LINC00632: variants seen among roughly 807,000 people sequenced by gnomAD.
The protein encoded by LINC00632 is long independently transcribed non-coding RNA 632, also known as ALDOA related specific transcript.
rs1207034823 is a variant in LINC00632, at chrX:140,729,877, C to CTTTTTT, written n.105-3988_105-3983dup. Among the ~76,000 whole-genome samples the CTTTTTT allele has an allele frequency of 1.4e-4, 13 of 90,848 alleles. 1 individual carries two copies. Among genetic ancestry groups the CTTTTTT allele is most frequent in the African/African-American group, 1.7e-4 (4 of 23,333 alleles). 78.9% of individuals were successfully genotyped at this position (90,848 alleles called of 115,157 possible). A position where few individuals can be genotyped will look rare whatever the true frequency, so the allele number is the denominator to read the frequency against. ...ATATATGCCTCTTCTTTTCTTTTTT[C>CTTTTTT]TTTTTTTTTTTTTTTTTTGAGACGG... On this transcript the variant is annotated intron_variant and non_coding_transcript_variant, in intron 2 of 4. Transcript: ENST00000648200.
At chrX:140,752,412 T>C (rs1052122652) in intron 3 of LINC00632, among the ~76,000 whole-genome samples, 2 of 111,832 alleles carry the variant, frequency 1.8e-5, no homozygotes, top group Non-Finnish European at 3.8e-5. Flanking sequence ...TTTGCTTATA[T>C]CTTCACAATG....
chrX:140,713,928 A>G, intron 2 of LINC00632: 1 of 270,570 alleles, frequency 3.7e-6, no homozygotes, highest in Admixed American at 4.5e-5. Context: ...AACACACAGC[A>G]TACAGACTTA....
intron 2 of LINC00632, among the ~76,000 whole-genome samples, chrX:140,715,204 C>G (rs1044747415): frequency 8.9e-6 from 1 of 111,738 alleles, no homozygotes; most frequent in African/African-American, 3.2e-5. Context: ...AATACTGATG[C>G]AACCCACAGC....
At chrX:140,751,878 A>T (rs1173747621) in intron 3 of LINC00632, among the ~76,000 whole-genome samples, 1 of 111,690 alleles carries the variant, frequency 9.0e-6, no homozygotes, top group African/African-American at 3.3e-5. Context: ...ATAGAAGTTT[A>T]AAAAAGGAAA....
chrX:140,778,581 G>T (rs1223504121), exon 5 of LINC00632, among the ~76,000 whole-genome samples: 1 of 104,978 alleles, frequency 9.5e-6, no homozygotes, highest in East Asian at 3.0e-4. Flanking sequence ...CTCCAGCCTG[G>T]CAACAGGATG....
intron 3 of LINC00632, among the ~76,000 whole-genome samples, chrX:140,762,505 G>A (rs1931618235): frequency 8.9e-6 from 1 of 112,215 alleles, no homozygotes; most frequent in Non-Finnish European, 1.9e-5. Flanking sequence ...TATCTAAGAA[G>A]GAAAATGTTG....
chrX:140,745,983 G>C (rs1188027058), intron 3 of LINC00632, among the ~76,000 whole-genome samples: 1 of 111,986 alleles, frequency 8.9e-6, no homozygotes, highest in African/African-American at 3.2e-5. Flanking sequence ...TGTTAGGAAT[G>C]AATGACACTG....
At chrX:140,710,187 G>A (rs566768888) in intron 1 of LINC00632, among the ~76,000 whole-genome samples, 1 of 112,283 alleles carries the variant, frequency 8.9e-6, no homozygotes, top group African/African-American at 3.2e-5. Context: ...CTCAAACCTG[G>A]TTTATTTTCT....
intron 2 of LINC00632, among the ~76,000 whole-genome samples, chrX:140,725,076 TAC>T (rs1213603445): frequency 9.3e-4 from 12 of 12,841 alleles, no homozygotes; most frequent in Non-Finnish European, 1.9e-3. Context: ...ACACATTCCA[TAC>T]ACACAGACAC....
chrX:140,735,767 T>C (rs1931134580), intron 3 of LINC00632, among the ~76,000 whole-genome samples: 1 of 110,905 alleles, frequency 9.0e-6, no homozygotes, highest in South Asian at 3.8e-4. Flanking sequence ...GGGTTTTCCA[T>C]GTTTGTCAGG....
chrX:140,787,553 G>C (rs1169401463), exon 5 of LINC00632, among the ~76,000 whole-genome samples: 1 of 110,970 alleles, frequency 9.0e-6, no homozygotes, highest in East Asian at 2.8e-4. Context: ...GATGTGTTTG[G>C]GTATTACTTA....
intron 2 of LINC00632, among the ~76,000 whole-genome samples, chrX:140,730,025 C>T (rs935939729): frequency 1.8e-5 from 2 of 109,165 alleles, no homozygotes; most frequent in African/African-American, 3.3e-5. Flanking sequence ...TACAGGCGCA[C>T]GCCACCGTGC....
exon 5 of LINC00632, among the ~76,000 whole-genome samples, chrX:140,781,805 C>G (rs1405752654): frequency 1.8e-5 from 2 of 111,687 alleles, no homozygotes; most frequent in Non-Finnish European, 3.8e-5. Context: ...ACAGCCATCC[C>G]CATTCATTTA....
exon 5 of LINC00632, among the ~76,000 whole-genome samples, chrX:140,788,280 T>C (rs145081449): frequency 0.011 from 1,174 of 110,348 alleles, 15 homozygotes; most frequent in African/African-American, 0.037. Context: ...CATTATGTAA[T>C]TGAAATCCCA....
exon 5 of LINC00632, among the ~76,000 whole-genome samples, chrX:140,785,559 T>G (rs1932006540): frequency 8.9e-6 from 1 of 112,468 alleles, no homozygotes; most frequent in South Asian, 3.7e-4. Context: ...TACAATCCCG[T>G]ATACAAATGG....
chrX:140,758,964 CTTTTTT>C (rs146312064), intron 3 of LINC00632, among the ~76,000 whole-genome samples: 1 of 78,974 alleles, frequency 1.3e-5, no homozygotes. Context: ...CTTTTCTTTT[CTTTTTT>C]TTTTTTTTTT....
chrX:140,734,183 G>A (rs772517936), intron 3 of LINC00632, among the ~76,000 whole-genome samples: 7 of 111,986 alleles, frequency 6.3e-5, no homozygotes, highest in Non-Finnish European at 1.1e-4. Flanking sequence ...CATTGAGACC[G>A]TGTTCTATAG....
At chrX:140,725,162 T>C (rs1930923546) in intron 2 of LINC00632, among the ~76,000 whole-genome samples, 1 of 51,618 alleles carries the variant, frequency 1.9e-5, no homozygotes, top group Non-Finnish European at 3.6e-5. Context: ...CACACACACA[T>C]TCCATACACA....
rs1556024934 is a variant in LINC00632, at chrX:140,748,880, A to AAAAT, written n.191+14917_191+14918insAATA. 3.1e-3 allele frequency among the ~76,000 whole-genome samples: 320 copies of AAAAT among 103,674 alleles called. 1 individual carries two copies. The highest frequency in any genetic ancestry group is 0.01 in the African/African-American group (303 of 29,082). The allele number at this position is 103,674 out of a possible 115,157, so 90.0% of individuals were successfully genotyped here. Reference sequence around the variant, plus strand: ...ATGATATATATAAAATGTATATAAAAATATATAAAATAAAATATATATATT... The same window carrying AAAAT: ...ATGATATATATAAAATGTATATAAAAAAATATATATAAAATAAAATATATATATT... On this transcript the variant is annotated intron_variant and non_coding_transcript_variant, in intron 3 of 4. Transcript: ENST00000648200.
Sources: allele counts gnomAD v4.1 joint callset (sites outside exome capture counted in the v4.1 genomes callset), GRCh38; gene constraint gnomAD v4.1.1; transcripts MANE v1.5; gene names NCBI Gene and HGNC (gene_info 2026-07-23, HGNC 2026-07-21).